Variants in OR4N2 observed in about 807,000 individuals in gnomAD.
OR4N2 encodes the protein olfactory receptor family 4 subfamily N member 2.
For missense variants in OR4N2, 307 were observed against 377.6 expected (o/e 0.81, Z 1.55); for synonymous variants, 141 against 140.4 (o/e 1.00, Z -0.03).
At chr14:19,819,364 C>G (rs1430364465) in intron 1 of OR4N2, among the ~76,000 whole-genome samples, 1 of 152,260 alleles carries the variant, frequency 6.6e-6, no homozygotes, top group African/African-American at 2.4e-5. Context: ...TCCCATATTT[C>G]TTGGAGGATT....
At chr14:19,804,134 A>C (rs1879096223) in intron 1 of OR4N2, among the ~76,000 whole-genome samples, 1 of 152,140 alleles carries the variant, frequency 6.6e-6, no homozygotes, top group African/African-American at 2.4e-5. Context: ...CTGATGTGTT[A>C]TTCTGAAGAA....
intron 1 of OR4N2, among the ~76,000 whole-genome samples, chr14:19,817,861 G>T (rs1346136887): frequency 6.6e-6 from 1 of 152,272 alleles, no homozygotes; most frequent in Non-Finnish European, 1.5e-5. Context: ...TGCATTAGCT[G>T]TGTCCCAGAG....
At chr14:19,811,445 A>C (rs1879294560) in intron 1 of OR4N2, among the ~76,000 whole-genome samples, 1 of 152,164 alleles carries the variant, frequency 6.6e-6, no homozygotes, top group South Asian at 2.1e-4. Context: ...ATGGGGTTTC[A>C]CCGTGTTAGC....
At chr14:19,820,600 G>T (rs1272536015) in intron 1 of OR4N2, among the ~76,000 whole-genome samples, 5 of 152,238 alleles carry the variant, frequency 3.3e-5, no homozygotes, top group Middle Eastern at 3.2e-3. Context: ...GACTGGGGAC[G>T]CTGCCTTTCT....
chr14:19,823,940 T>C (rs528410151), intron 1 of OR4N2, among the ~76,000 whole-genome samples: 4 of 152,368 alleles, frequency 2.6e-5, no homozygotes, highest in East Asian at 1.9e-4. Context: ...ACTCCAGGCA[T>C]GCACACACAG....
chr14:19,808,266 T>C (rs1879213759), intron 1 of OR4N2, among the ~76,000 whole-genome samples: 1 of 152,106 alleles, frequency 6.6e-6, no homozygotes, highest in Admixed American at 6.5e-5. Flanking sequence ...ATAAAAGACA[T>C]CCAAATAGAA....
chr14:19,808,444 A>G (rs911238716), intron 1 of OR4N2, among the ~76,000 whole-genome samples: 6 of 152,212 alleles, frequency 3.9e-5, no homozygotes, highest in Admixed American at 3.3e-4. Flanking sequence ...AATAATGTCC[A>G]GGCTGAGAGT....
rs1879814238 is a variant in OR4N2 at position 19,829,554 on chromosome 14, TG to T, written c.*1183del. On this transcript the variant is annotated 3_prime_UTR_variant, in exon 2 of 2. Coordinates refer to ENST00000557677, the MANE Select transcript of OR4N2 (RefSeq NM_001004723.3). ...CTTGCTACAATCTTAGCCATCTGTT[TG>T]TCTGAAAAACACTACAATTTTAGCC... 2 of 151,422 alleles carry T rather than the reference TG, an allele frequency of 1.3e-5. No individual in the cohort carries two copies. Among genetic ancestry groups the T allele is most frequent in the South Asian group, 4.2e-4 (2 of 4,798 alleles). The allele number at this position is 151,422 out of a possible 1,614,324, so 9.4% of individuals were successfully genotyped here.
In OR4N2 at chr14:19,827,228, A is replaced by C. The variant is rs573445876; in HGVS notation, c.-9-212A>C. Reference sequence around the variant, plus strand: ...GAAGCACATGGTTGAATGGGAATAAAACTGTAGCTTTGAGAACCATATTGT... The same window carrying C: ...GAAGCACATGGTTGAATGGGAATAACACTGTAGCTTTGAGAACCATATTGT... On this transcript the variant is annotated intron_variant, in intron 1 of 1. Transcript: ENST00000557677. Among the ~76,000 whole-genome samples, 10 of 152,392 alleles carry C rather than the reference A, an allele frequency of 6.6e-5. No homozygotes were observed. In the South Asian group the frequency reaches 2.1e-3, roughly 32 times the overall value.
chr14:19,821,869 C>G (rs552803998), intron 1 of OR4N2: 1 of 152,232 alleles, frequency 6.6e-6, no homozygotes, highest in African/African-American at 2.4e-5. Flanking sequence ...ATTTTAAAAT[C>G]TAAGGTTCCT....
rs550088870 is a variant in OR4N2 at position 19,805,667 on chromosome 14, G to A, written c.-10+1823G>A. ...AATAAACAACTCGGAAAATAAATTCGAATATATAGTCCATGAAAATCTTCC... is the reference window on the plus strand; with the variant it reads ...AATAAACAACTCGGAAAATAAATTCAAATATATAGTCCATGAAAATCTTCC... On this transcript the variant is annotated intron_variant, in intron 1 of 1. Coordinates refer to ENST00000557677, the MANE Select transcript of OR4N2 (RefSeq NM_001004723.3). 6.9e-4 allele frequency among the ~76,000 whole-genome samples: 105 copies of A among 152,204 alleles called. 1 individual carries two copies. The South Asian group carries it at 0.017, about 25-fold the overall frequency.
intron 1 of OR4N2, among the ~76,000 whole-genome samples, chr14:19,814,443 A>G (rs1402958358): frequency 6.6e-6 from 1 of 152,246 alleles, no homozygotes; most frequent in African/African-American, 2.4e-5. Context: ...ATCACCGTCA[A>G]CATCCTGCTA....
chr14:19,829,230 T>C lies in OR4N2; in HGVS notation c.*858T>C, dbSNP rs1879805562. ...AAGATCACAAAAACATTTTACTTTTTTTTTCTAGAGCTTCATGATTACTCC... is the reference window on the plus strand; with the variant it reads ...AAGATCACAAAAACATTTTACTTTTCTTTTCTAGAGCTTCATGATTACTCC... On this transcript the variant is annotated 3_prime_UTR_variant, in exon 2 of 2. Coordinates refer to ENST00000557677, the MANE Select transcript of OR4N2 (RefSeq NM_001004723.3). The C allele has an allele frequency of 6.6e-6, 1 of 152,388 alleles. No individual in the cohort carries two copies. Among genetic ancestry groups the C allele is most frequent in the Admixed American group, 6.5e-5 (1 of 15,314 alleles). The allele number at this position is 152,388 out of a possible 1,614,324, so 9.4% of individuals were successfully genotyped here.
At chr14:19,812,681 T>G (rs1879332835) in intron 1 of OR4N2, among the ~76,000 whole-genome samples, 1 of 152,226 alleles carries the variant, frequency 6.6e-6, no homozygotes. Context: ...TTAATAATAG[T>G]CCTTCTGACT....
chr14:19,810,474 A>C (rs1879269016), intron 1 of OR4N2, among the ~76,000 whole-genome samples: 1 of 152,274 alleles, frequency 6.6e-6, no homozygotes, highest in Admixed American at 6.5e-5. Context: ...TTAACCTAGC[A>C]ATCTCATTAT....
At chr14:19,804,622 T>C (rs1566460863) in intron 1 of OR4N2, among the ~76,000 whole-genome samples, 1 of 152,258 alleles carries the variant, frequency 6.6e-6, no homozygotes, top group Non-Finnish European at 1.5e-5. Context: ...ATCGATTGTG[T>C]GGCTGATTTT....
intron 1 of OR4N2, among the ~76,000 whole-genome samples, chr14:19,813,497 C>T (rs1302504676): frequency 6.6e-6 from 1 of 152,252 alleles, no homozygotes; most frequent in Non-Finnish European, 1.5e-5. Context: ...GGACTGAGTA[C>T]ACCACTGCAG....
At chr14:19,819,180 G>A (rs1178066344) in intron 1 of OR4N2, among the ~76,000 whole-genome samples, 41 of 152,250 alleles carry the variant, frequency 2.7e-4, no homozygotes, top group East Asian at 7.7e-4. Flanking sequence ...TGCTCTTCTC[G>A]GGGAGTATCT....
rs189707555 is a variant in OR4N2 at position 19,821,483 on chromosome 14, T to A, written c.-9-5957T>A. Among the ~76,000 whole-genome samples the A allele has an allele frequency of 5.3e-5, 8 of 152,192 alleles. No individual in the cohort carries two copies. The East Asian group carries it at 1.4e-3, about 26-fold the overall frequency. On this transcript the variant is annotated intron_variant, in intron 1 of 1. Coordinates refer to ENST00000557677, the MANE Select transcript of OR4N2 (RefSeq NM_001004723.3). ...ATGTATATATGTATTTTTTGCCTCA[T>A]CCTACCCCTGCTTGCTTTCGTGGTA... is the stretch of plus-strand genomic sequence containing the variant.
Sources: allele counts gnomAD v4.1 joint callset (sites outside exome capture counted in the v4.1 genomes callset), GRCh38; gene constraint gnomAD v4.1.1; transcripts MANE v1.5; gene names NCBI Gene and HGNC (gene_info 2026-07-23, HGNC 2026-07-21).